BCORL1: variants seen among roughly 807,000 people sequenced by gnomAD.
The protein encoded by BCORL1 is BCL6 corepressor like 1, also known as BCL-6 corepressor-like protein 1.
BCORL1 carries 7 observed loss-of-function variants against 87.6 expected under a neutral mutation model. The ratio of observed to expected loss-of-function variants is 0.08; its 90% CI spans 0.05 to 0.15. The LOEUF is 0.15. Ranked by LOEUF, BCORL1 falls within the 10% of genes least tolerant of loss-of-function variation. BCORL1 has a pLI of 1.00. For synonymous variants in BCORL1, 591 were observed against 634.4 expected (o/e 0.93, Z 1.03); for missense variants, 1,215 against 1,499.7 (o/e 0.81, Z 3.13).
intron 8 of BCORL1, among the ~76,000 whole-genome samples, chrX:130,032,671 T>G (rs1387435158): frequency 9.0e-6 from 1 of 111,259 alleles, no homozygotes; most frequent in Non-Finnish European, 1.9e-5. Flanking sequence ...GTATGCCACC[T>G]CTCCCAGTGC....
chrX:130,043,773 TATATATATA>T (rs1250595487), intron 11 of BCORL1, among the ~76,000 whole-genome samples: 1 of 23,306 alleles, frequency 4.3e-5, no homozygotes, highest in African/African-American at 2.9e-4. Flanking sequence ...TATATATATA[TATATATATA>T]TATTTTTTTT....
chrX:130,018,215 A>G (rs951865484), intron 4 of BCORL1, among the ~76,000 whole-genome samples: 3 of 112,218 alleles, frequency 2.7e-5, no homozygotes, highest in Non-Finnish European at 3.8e-5. Context: ...ATCTACTCAT[A>G]GAGTTGTGAA....
chrX:130,056,179 C>T lies in BCORL1; in HGVS notation c.*43C>T, dbSNP rs368556761. 2 of 1,103,087 alleles carry T rather than the reference C, an allele frequency of 1.8e-6. No homozygotes were observed. Among genetic ancestry groups the T allele is most frequent in the African/African-American group, 3.7e-5 (2 of 54,500 alleles). 90.9% of individuals were successfully genotyped at this position (1,103,087 alleles called of 1,213,427 possible). On this transcript the variant is annotated 3_prime_UTR_variant, in exon 14 of 14. Transcript: ENST00000540052. Reference sequence around the variant, plus strand: ...CCTCTTCTTTCTCCTTCCGAGTTCGCCCTTCCCCCACCTCCTTGTCTTTCC... The same window carrying T: ...CCTCTTCTTTCTCCTTCCGAGTTCGTCCTTCCCCCACCTCCTTGTCTTTCC...
chrX:130,025,299 G>C lies in BCORL1; in HGVS notation c.3998G>C (p.Arg1333Thr). Reference protein sequence around the residue: ...EEGLLKRKKRRRQKSRKYQTG... With the variant: ...EEGLLKRKKRTRQKSRKYQTG... ...GGCCTGCTGAAGAGGAAGAAACGAAGACGGCAGAAGAGCCGAAAATATCAG... is the reference window on the plus strand; with the variant it reads ...GGCCTGCTGAAGAGGAAGAAACGAACACGGCAGAAGAGCCGAAAATATCAG... The change falls in exon 7 of 14, where the codon AGA becomes ACA. Residue 1333 changes from arginine to threonine, a missense_variant. By Grantham distance (71) the Arg-to-Thr change is moderately conservative (BLOSUM62 -1). Coordinates refer to ENST00000540052, the MANE Select transcript of BCORL1 (RefSeq NM_001379451.1). 8.3e-7 allele frequency: 1 copy of C among 1,198,425 alleles called. No homozygotes were observed. The highest frequency in any genetic ancestry group is 1.1e-6 in the Non-Finnish European group (1 of 889,925).
intron 11 of BCORL1, among the ~76,000 whole-genome samples, chrX:130,041,278 CAAA>C (rs56172113): frequency 3.0e-5 from 1 of 33,732 alleles, no homozygotes; most frequent in Non-Finnish European, 6.0e-5. Context: ...GACAGTGTCT[CAAA>C]AAAAAAAAAA....
At chrX:130,012,426 A>G in intron 2 of BCORL1, 152 bp from the exon 3 acceptor site, 1 of 493,030 alleles carries the variant, frequency 2.0e-6, no homozygotes, top group Non-Finnish European at 3.5e-6. Context: ...AAGAACCCCC[A>G]GTTCCTTGTA....
At chrX:130,043,032 C>CTTT (rs748652223) in intron 11 of BCORL1, among the ~76,000 whole-genome samples, 4 of 94,322 alleles carry the variant, frequency 4.2e-5, no homozygotes, top group African/African-American at 1.2e-4. Flanking sequence ...AGTACATTCT[C>CTTT]TTTTTTTTTT....
At position 130,014,247 on chromosome X, in the gene BCORL1, G is replaced by A; in HGVS notation, c.1475G>A (p.Gly492Asp). 8.3e-7 allele frequency: 1 copy of A among 1,210,848 alleles called. No homozygotes were observed. The highest frequency in any genetic ancestry group is 1.1e-6 in the Non-Finnish European group (1 of 895,303). The change falls in exon 4 of 14, where the codon GGC becomes GAC. Residue 492 changes from glycine to aspartate, a missense_variant. Gly to Asp is a moderately conservative substitution (Grantham distance 94). Around this residue, in one of 5 missense-constraint regions of BCORL1, gnomAD observed 861 missense variants for 1,010.0 expected, o/e 0.85. Transcript: ENST00000540052. ...TACCTGCAGGACAGGTGTCTCCCAG[G>A]CGTGCTAGCCTCCCCCGAGCTCCGT... ...PSYLQDRCLP[G>D]VLASPELRSY...
At chrX:130,009,840 C>T (rs956847803) in intron 2 of BCORL1, among the ~76,000 whole-genome samples, 6 of 111,157 alleles carry the variant, frequency 5.4e-5, no homozygotes, top group African/African-American at 1.3e-4. Flanking sequence ...TCCTGCCGCC[C>T]GCCTCCGCCA....
In BCORL1 at chrX:130,014,978, C is replaced by G. The variant is rs1929290907; in HGVS notation, c.2206C>G (p.Leu736Val). 6 of 1,209,869 alleles carry G rather than the reference C, an allele frequency of 5.0e-6. No homozygotes were observed. The highest frequency in any genetic ancestry group is 6.7e-6 in the Non-Finnish European group (6 of 895,196). Residue 736 changes from leucine to valine, a missense_variant, in exon 4 of 14, where the codon CTG (leucine) becomes GTG (valine). Leu to Val is a conservative substitution (Grantham distance 32). Around this residue, in one of 5 missense-constraint regions of BCORL1, gnomAD observed 861 missense variants for 1,010.0 expected, o/e 0.85. Transcript: ENST00000540052. ...ASLLLNKDPN[L>V]GLNRDPRHLP... The stretch of plus-strand genomic sequence containing the variant: ...CCTGCTGCTGAACAAAGACCCCAAC[C>G]TGGGCCTCAACCGTGACCCCCGCCA...
intron 11 of BCORL1, among the ~76,000 whole-genome samples, chrX:130,045,461 T>G (rs1399615748): frequency 9.0e-6 from 1 of 111,149 alleles, no homozygotes; most frequent in Admixed American, 9.6e-5. Flanking sequence ...TTTTCTCATC[T>G]TTCAAGTCCC....
intron 5 of BCORL1, among the ~76,000 whole-genome samples, chrX:130,022,254 T>C (rs1929902713): frequency 1.2e-5 from 1 of 81,843 alleles, no homozygotes; most frequent in Admixed American, 1.3e-4. Flanking sequence ...TTTTTTTTTT[T>C]TTTTTTTTTT....
At chrX:130,044,018 G>A (rs989050225) in intron 11 of BCORL1, among the ~76,000 whole-genome samples, 9 of 104,698 alleles carry the variant, frequency 8.6e-5, no homozygotes, top group South Asian at 4.3e-4. Context: ...TGATCCGCTC[G>A]CCTCGGCCTC....
rs1928399572 is a variant in BCORL1 at position 130,005,319 on chromosome X, TGAG to T, written c.86+7_86+9del. On this transcript the variant is annotated splice_donor_5th_base_variant and intron_variant, in intron 2 of 13. Transcript: ENST00000540052. ...CATGTGTGGCATCAACGAGGAGAGG[TGAG>T]GAGGCCAGGAAGGTGGCCGCTGCTG... The T allele has an allele frequency of 8.3e-7, 1 of 1,209,158 alleles. No homozygotes were observed. Among genetic ancestry groups the T allele is most frequent in the East Asian group, 3.0e-5 (1 of 33,813 alleles).
In BCORL1 at chrX:130,014,008, G is replaced by A. The variant is rs747597916; in HGVS notation, c.1236G>A (p.Pro412=). The change falls in exon 4 of 14, where the codon CCG becomes CCA. Residue 412 remains proline (P), a synonymous_variant. Transcript: ENST00000540052. Reference sequence around the variant, plus strand: ...CCATTCCCACCTCTGCACCCATCCCGGCCTCCTTCAGTTTGAGTAGAGTGT... The same window carrying A: ...CCATTCCCACCTCTGCACCCATCCCAGCCTCCTTCAGTTTGAGTAGAGTGT... ...PAAIPTSAPI[P]ASFSLSRVCF... is the part of the protein sequence containing the mutation. 13 of 1,208,306 alleles carry A rather than the reference G, an allele frequency of 1.1e-5. No homozygotes were observed. Among genetic ancestry groups the A allele is most frequent in the Admixed American group, 4.4e-5 (2 of 45,619 alleles).
intron 11 of BCORL1, among the ~76,000 whole-genome samples, chrX:130,045,792 A>AT (rs1350113287): frequency 2.8e-5 from 3 of 108,980 alleles, no homozygotes; most frequent in African/African-American, 1.0e-4. Context: ...TAATTATTGC[A>AT]TTTTTTGTAG....
intron 9 of BCORL1, 42 bp from the exon 10 acceptor site, chrX:130,037,325 T>A: frequency 8.4e-7 from 1 of 1,184,655 alleles, no homozygotes; most frequent in South Asian, 1.8e-5. Context: ...AGTTCAAGAA[T>A]TAGACCTCTC....
intron 8 of BCORL1, among the ~76,000 whole-genome samples, chrX:130,032,252 G>A (rs1262649786): frequency 9.0e-6 from 1 of 111,650 alleles, no homozygotes; most frequent in Non-Finnish European, 1.9e-5. Flanking sequence ...GTGTCAGCCA[G>A]GGCAGCATTC....
At chrX:130,050,915 A>G (rs1174066345) in intron 12 of BCORL1, 121 bp downstream of exon 12, 2 of 571,317 alleles carry the variant, frequency 3.5e-6, no homozygotes, top group Admixed American at 6.5e-5. Flanking sequence ...CTGAACCTGA[A>G]CCCATCCTTC....
Sources: gnomAD v4.1 joint callset for allele counts (sites outside exome capture counted in the v4.1 genomes callset) on GRCh38, gnomAD v4.1.1 for gene constraint, gnomAD v4.1.1 regional missense constraint, MANE v1.5 for transcripts, NCBI Gene and HGNC (gene_info 2026-07-23, HGNC 2026-07-21) for gene names.